Variants in RMDN1 observed in about 807,000 individuals in gnomAD.
The protein encoded by RMDN1 is regulator of microtubule dynamics 1, also known as regulator of microtubule dynamics protein 1.
Under a neutral mutation model 48.9 loss-of-function variants are expected in RMDN1, and 48 were observed. That is an observed-to-expected ratio of 0.98 (90% CI 0.78 to 1.25). The LOEUF is 1.25. Ranked by LOEUF, RMDN1 falls within the 50% of genes most tolerant of loss-of-function variation. RMDN1 has a pLI of 0.00. For synonymous variants in RMDN1, 148 were observed against 132.6 expected, an observed-to-expected ratio of 1.12 and a Z score of -0.80; for missense variants, 418 against 373.4, an observed-to-expected ratio of 1.12 and a Z score of -0.98.
chr8:86,490,648 T>C (rs914768027), intron 2 of RMDN1, among the ~76,000 whole-genome samples: 17 of 152,116 alleles, frequency 1.1e-4, no homozygotes, highest in South Asian at 2.1e-4. Context: ...ATAATAAATT[T>C]GTGTTGTTTA....
At chr8:86,503,736 CCTCT>C (rs1349676157) in intron 2 of RMDN1, 10 of 481,896 alleles carry the variant, frequency 2.1e-5, no homozygotes, top group South Asian at 5.1e-5. Flanking sequence ...AATATCCCTC[CCTCT>C]GAGATGTTGC....
chr8:86,502,494 C>T (rs989039967), intron 2 of RMDN1, among the ~76,000 whole-genome samples: 6 of 151,302 alleles, frequency 4.0e-5, no homozygotes, highest in Non-Finnish European at 5.9e-5. Context: ...GATCCTCCCA[C>T]CTCAGCCTCC....
At chr8:86,468,710 A>C (rs911839217), downstream of RMDN1, 1 of 456,130 alleles carries the variant, frequency 2.2e-6, no homozygotes, top group Non-Finnish European at 4.4e-6. Context: ...ACAGAACCCT[A>C]CAAGAGACAA....
In RMDN1 at chr8:86,474,805, TG is replaced by T; in HGVS notation, c.894+14del. The T allele has an allele frequency of 6.3e-7, 1 of 1,599,354 alleles. No homozygotes were observed. Among genetic ancestry groups the T allele is most frequent in the Non-Finnish European group, 8.5e-7 (1 of 1,174,656 alleles). Reference sequence around the variant, plus strand: ...CTCAAAACCTTTCTGCCTTACTTTATGGGAGATGTTTTACCTGTTTATCCTC... The same window carrying T: ...CTCAAAACCTTTCTGCCTTACTTTATGGAGATGTTTTACCTGTTTATCCTC... On this transcript the variant is annotated intron_variant, in intron 9 of 9. Coordinates refer to ENST00000406452, the MANE Select transcript of RMDN1 (RefSeq NM_016033.3).
At chr8:86,481,964 G>T in intron 5 of RMDN1, 1 of 872,750 alleles carries the variant, frequency 1.1e-6, no homozygotes, top group Non-Finnish European at 1.9e-6. Context: ...CTTGCTGCAA[G>T]CAGAAATCCA....
At chr8:86,476,405 G>C (rs1463391014) in intron 8 of RMDN1, among the ~76,000 whole-genome samples, 2 of 152,014 alleles carry the variant, frequency 1.3e-5, no homozygotes, top group Non-Finnish European at 2.9e-5. Context: ...CATTATGTGT[G>C]GGATCTCAAA....
chr8:86,478,943 G>A lies in RMDN1; in HGVS notation c.709C>T (p.Pro237Ser). The A allele has an allele frequency of 6.2e-7, 1 of 1,613,770 alleles. No individual in the cohort carries two copies. Among genetic ancestry groups the A allele is most frequent in the Non-Finnish European group, 8.5e-7 (1 of 1,179,714 alleles). ...ACTACCTTCTCATAGGTGGAACTAG[G>A]AGGAGTTGCAAACAGCATTTTAGCA... is the stretch of plus-strand genomic sequence containing the variant. ...RIAKMLFATP[P>S]SSTYEKALGY... The change falls in exon 7 of 10, where the codon CCT (proline) becomes TCT (serine). Residue 237 changes from proline to serine, a missense_variant. Physicochemically the swap from Pro to Ser is moderately conservative, Grantham distance 74. Coordinates refer to ENST00000406452, the MANE Select transcript of RMDN1 (RefSeq NM_016033.3).
intron 2 of RMDN1, among the ~76,000 whole-genome samples, chr8:86,489,526 T>C (rs1024948399): frequency 6.6e-6 from 1 of 152,150 alleles, no homozygotes; most frequent in Admixed American, 6.5e-5. Flanking sequence ...AATCACAGTA[T>C]ACTTGAGGTT....
In RMDN1 at chr8:86,498,606, C is replaced by T. The variant is rs570353028; in HGVS notation, c.247+8389G>A. 5.3e-5 allele frequency among the ~76,000 whole-genome samples: 8 copies of T among 152,042 alleles called. No homozygotes were observed. In the South Asian group the frequency reaches 1.7e-3, roughly 32 times the overall value. On this transcript the variant is annotated intron_variant, in intron 2 of 9. Coordinates refer to ENST00000406452, the MANE Select transcript of RMDN1 (RefSeq NM_016033.3). ...CCACCCTGAGCAACATGGAGAAACCCCGACTCTACAAAAAAATACAAAAAA... is the reference window on the plus strand; with the variant it reads ...CCACCCTGAGCAACATGGAGAAACCTCGACTCTACAAAAAAATACAAAAAA...
chr8:86,494,661 A>G (rs1349585114), intron 2 of RMDN1, among the ~76,000 whole-genome samples: 1 of 152,234 alleles, frequency 6.6e-6, no homozygotes, highest in Non-Finnish European at 1.5e-5. Context: ...TGCAGGCCTC[A>G]TAGAGGCCTA....
chr8:86,488,722 CTTTTATATA>C (rs1815935250), intron 2 of RMDN1, 83 bp from the exon 3 acceptor site: 5 of 820,984 alleles, frequency 6.1e-6, no homozygotes, highest in Non-Finnish European at 9.4e-6. Context: ...AACTTAAACA[CTTTTATATA>C]TAAGCAAATG....
chr8:86,498,357 T>C (rs1817705249), intron 2 of RMDN1, among the ~76,000 whole-genome samples: 2 of 152,042 alleles, frequency 1.3e-5, no homozygotes. Flanking sequence ...CCAATCCTAT[T>C]GAAATTATTC....
chr8:86,504,526 A>C, intron 2 of RMDN1: 1 of 1,422,808 alleles, frequency 7.0e-7, no homozygotes, highest in East Asian at 2.3e-5. Context: ...ACGTGTGTTT[A>C]ATACTATCTT....
chr8:86,504,114 C>A, intron 2 of RMDN1: 1 of 1,114,064 alleles, frequency 9.0e-7, no homozygotes, highest in Non-Finnish European at 1.4e-6. Context: ...TCAAATTCAT[C>A]CTTGGGTCTG....
intron 5 of RMDN1, chr8:86,482,404 CAAAA>C: frequency 2.4e-6 from 1 of 411,376 alleles, no homozygotes; most frequent in South Asian, 2.1e-5. Context: ...CTGTCTCAAA[CAAAA>C]AAAAGAAAGG....
intron 4 of RMDN1, 111 bp from the exon 5 acceptor site, chr8:86,485,072 T>C (rs1327346750): frequency 3.3e-6 from 2 of 602,830 alleles, no homozygotes; most frequent in African/African-American, 3.8e-5. Context: ...AAAAAGTTAC[T>C]GAGCATAAAA....
Position 86,473,487 on chromosome 8 carries a change from C to T in RMDN1, c.*821G>A. The T allele has an allele frequency of 1.0e-6, 1 of 985,256 alleles. No homozygotes were observed. Among genetic ancestry groups the T allele is most frequent in the Non-Finnish European group, 1.2e-6 (1 of 829,804 alleles). The allele number at this position is 985,256 out of a possible 1,614,324, so 61.0% of individuals were successfully genotyped here. ...TACACCACATTTAAAGTAAACTGGC[C>T]AGGTGCGGTGGCTCACGCCTGTAAT... On this transcript the variant is annotated 3_prime_UTR_variant, in exon 10 of 10. Transcript: ENST00000406452.
intron 7 of RMDN1, chr8:86,478,619 T>G (rs996635694): frequency 1.9e-5 from 6 of 310,470 alleles, no homozygotes. Flanking sequence ...GCTGTATTTC[T>G]TGTTCTATTT....
At chr8:86,487,733 G>A (rs1486651059) in intron 3 of RMDN1, among the ~76,000 whole-genome samples, 1 of 151,872 alleles carries the variant, frequency 6.6e-6, no homozygotes, top group Non-Finnish European at 1.5e-5. Flanking sequence ...TGAATATGGA[G>A]TAACTACCTT....
Sources: gnomAD v4.1 joint callset for allele counts (sites outside exome capture counted in the v4.1 genomes callset) on GRCh38, gnomAD v4.1.1 for gene constraint, MANE v1.5 for transcripts, NCBI Gene and HGNC (gene_info 2026-07-23, HGNC 2026-07-21) for gene names.